SLCO1B3: variants seen among roughly 807,000 people sequenced by gnomAD.
SLCO1B3 encodes solute carrier organic anion transporter family member 1B3.
A neutral mutation model predicts 71.8 loss-of-function variants in SLCO1B3; 72 were observed. The observed-to-expected ratio is 1.00, with a 90% CI of 0.83 to 1.22. SLCO1B3 has a LOEUF of 1.22. SLCO1B3 is among the 50% of genes most tolerant of loss of function. SLCO1B3 has a pLI of 0.00. For synonymous variants in SLCO1B3, 298 were observed against 278.4 expected, an observed-to-expected ratio of 1.07 and a Z score of -0.70; for missense variants, 911 against 819.7, an observed-to-expected ratio of 1.11 and a Z score of -1.36.
At chr12:20,836,865 T>C (rs4762680) in intron 3 of SLCO1B3, among the ~76,000 whole-genome samples, 108,683 of 152,082 alleles carry the variant, frequency 0.71, 41,754 homozygotes, top group South Asian at 0.88. Flanking sequence ...ATGGTCTCGA[T>C]CTCCTGACCT....
intron 15 of SLCO1B3, chr12:20,902,174 G>A (rs1380344278): frequency 9.6e-6 from 2 of 209,256 alleles, no homozygotes; most frequent in African/African-American, 4.8e-5. Flanking sequence ...ATTGCTTTGT[G>A]TATATACCCA....
intron 1 of SLCO1B3, among the ~76,000 whole-genome samples, chr12:20,811,187 G>C (rs114985190): frequency 5.3e-5 from 8 of 152,058 alleles, no homozygotes; most frequent in Non-Finnish European, 1.2e-4. Context: ...AGGAGTGGGC[G>C]GGTGGAGGGG....
chr12:20,856,498 T>C (rs1289930527), intron 4 of SLCO1B3, among the ~76,000 whole-genome samples: 4 of 152,232 alleles, frequency 2.6e-5, no homozygotes, highest in African/African-American at 9.6e-5. Context: ...AGAAGTTATC[T>C]AGAGATGATA....
chr12:20,823,057 C>T (rs978683899), intron 3 of SLCO1B3, among the ~76,000 whole-genome samples: 1 of 151,976 alleles, frequency 6.6e-6, no homozygotes, highest in Non-Finnish European at 1.5e-5. Context: ...GTTGTGAAAT[C>T]TTATGTCCTG....
intron 3 of SLCO1B3, among the ~76,000 whole-genome samples, chr12:20,843,105 A>G (rs1011962270): frequency 6.6e-6 from 1 of 152,182 alleles, no homozygotes; most frequent in Non-Finnish European, 1.5e-5. Flanking sequence ...AGCCCCAAAC[A>G]TACTAAAATA....
intron 3 of SLCO1B3, among the ~76,000 whole-genome samples, chr12:20,833,858 C>T (rs1021945809): frequency 2.1e-5 from 3 of 144,578 alleles, no homozygotes; most frequent in African/African-American, 5.0e-5. Context: ...AGTTTATATA[C>T]TCTATATACT....
At chr12:20,909,344 T>TTTTTTTG (rs1866322859) in intron 15 of SLCO1B3, among the ~76,000 whole-genome samples, 1 of 149,634 alleles carries the variant, frequency 6.7e-6, no homozygotes, top group Non-Finnish European at 1.5e-5. Context: ...TTTTTTTTTT[T>TTTTTTTG]TTGTATTTTT....
chr12:20,907,609 A>C (rs1591792978), intron 15 of SLCO1B3, among the ~76,000 whole-genome samples: 1 of 150,774 alleles, frequency 6.6e-6, no homozygotes. Flanking sequence ...CCTGGGTTCA[A>C]GCAATTCTCT....
At chr12:20,814,601 C>A (rs779603435) in intron 2 of SLCO1B3, among the ~76,000 whole-genome samples, 1 of 152,056 alleles carries the variant, frequency 6.6e-6, no homozygotes, top group Admixed American at 6.6e-5. Context: ...ATTAAAAATG[C>A]ATATTAAGGC....
chr12:20,828,524 A>G (rs1170740295), intron 3 of SLCO1B3, among the ~76,000 whole-genome samples: 1 of 152,082 alleles, frequency 6.6e-6, no homozygotes, highest in Non-Finnish European at 1.5e-5. Context: ...AGACATGTAG[A>G]AGTAAATGAA....
At chr12:20,828,564 A>G (rs574560159) in intron 3 of SLCO1B3, among the ~76,000 whole-genome samples, 48 of 152,096 alleles carry the variant, frequency 3.2e-4, no homozygotes, top group Non-Finnish European at 6.6e-4. Context: ...GTTTCTTCTC[A>G]GCCAACTGAG....
chr12:20,855,036 G>C lies in SLCO1B3; in HGVS notation c.93G>C (p.Leu31Phe), dbSNP rs1865104778. 6.2e-7 allele frequency: 1 copy of C among 1,610,158 alleles called. No homozygotes were observed. Among genetic ancestry groups the C allele is most frequent in the Non-Finnish European group, 8.5e-7 (1 of 1,179,336 alleles). ...TRRCNGFKMF[L>F]AALSFSYIAK... The stretch of plus-strand genomic sequence containing the variant: ...TCTTCTATTGTTTTTAGATGTTCTT[G>C]GCAGCCCTGTCATTCAGCTATATTG... The change falls in exon 4 of 16, where the codon TTG (leucine) becomes TTC (phenylalanine). Residue 31 changes from leucine (L) to phenylalanine (F), a missense_variant. By Grantham distance (22) the Leu-to-Phe change is conservative. Coordinates refer to ENST00000381545, the MANE Select transcript of SLCO1B3 (RefSeq NM_019844.4).
chr12:20,853,984 G>T (rs1865078619), intron 3 of SLCO1B3, among the ~76,000 whole-genome samples: 1 of 151,164 alleles, frequency 6.6e-6, no homozygotes, highest in South Asian at 2.1e-4. Context: ...GTGTAAGAAA[G>T]AATTTTTTAA....
At chr12:20,835,513 G>A (rs1864660997) in intron 3 of SLCO1B3, among the ~76,000 whole-genome samples, 1 of 152,066 alleles carries the variant, frequency 6.6e-6, no homozygotes, top group South Asian at 2.1e-4. Flanking sequence ...CAAGTTCAAA[G>A]TTCCACAGAT....
At chr12:20,914,184 C>T (rs1056226857) in intron 15 of SLCO1B3, among the ~76,000 whole-genome samples, 1 of 152,032 alleles carries the variant, frequency 6.6e-6, no homozygotes, top group South Asian at 2.1e-4. Context: ...GTTCTTTGAT[C>T]CTATTTTTGT....
intron 13 of SLCO1B3, 48 bp downstream of exon 13, chr12:20,883,650 C>T (rs1865739158): frequency 8.2e-7 from 1 of 1,214,688 alleles, no homozygotes; most frequent in Non-Finnish European, 1.1e-6. Context: ...GACTAAAACA[C>T]ACCTAATGAT....
chr12:20,879,358 C>T, intron 10 of SLCO1B3, 78 bp from the exon 11 acceptor site: 2 of 1,066,838 alleles, frequency 1.9e-6, no homozygotes, highest in Non-Finnish European at 2.7e-6. Flanking sequence ...TTGATATACA[C>T]TGTGTTTTAT....
chr12:20,861,950 AT>A (rs4149162), intron 6 of SLCO1B3, among the ~76,000 whole-genome samples: 107,507 of 150,574 alleles, frequency 0.71, 40,714 homozygotes, highest in South Asian at 0.88. Flanking sequence ...ATAAAAAAAA[AT>A]ATTTTGTAAC....
At chr12:20,892,375 T>C (rs1385359967) in intron 13 of SLCO1B3, among the ~76,000 whole-genome samples, 4 of 151,880 alleles carry the variant, frequency 2.6e-5, no homozygotes, top group African/African-American at 7.3e-5. Context: ...CAGACAAAAG[T>C]TGTGGTTGAT....
Sources: allele counts gnomAD v4.1 joint callset (sites outside exome capture counted in the v4.1 genomes callset), GRCh38; gene constraint gnomAD v4.1.1; transcripts MANE v1.5; gene names NCBI Gene and HGNC (gene_info 2026-07-23, HGNC 2026-07-21).